The following WDR91 variants were observed in gnomAD, a reference collection of about 807,000 sequenced individuals.
The protein encoded by WDR91 is WD repeat domain 91, also known as WD repeat-containing protein 91.
WDR91 carries 52 observed loss-of-function variants against 88.4 expected under a neutral mutation model. The ratio of observed to expected loss-of-function variants is 0.59; its 90% CI spans 0.47 to 0.74. The LOEUF is 0.74. Ranked by LOEUF, WDR91 falls within the 30% of genes least tolerant of loss-of-function variation. The pLI is 0.00. For synonymous variants in WDR91, 362 were observed against 389.5 expected, an observed-to-expected ratio of 0.93 and a Z score of 0.83; for missense variants, 824 against 954.5, an observed-to-expected ratio of 0.86 and a Z score of 1.80.
At chr7:135,206,734 A>T (rs1476288731) in intron 4 of WDR91, among the ~76,000 whole-genome samples, 2 of 151,340 alleles carry the variant, frequency 1.3e-5, no homozygotes, top group Non-Finnish European at 2.9e-5. Flanking sequence ...TATATAGTTT[A>T]TATATATACA....
intron 2 of WDR91, 100 bp downstream of exon 2, chr7:135,209,476 G>C: frequency 8.2e-7 from 1 of 1,224,842 alleles, no homozygotes; most frequent in Non-Finnish European, 1.1e-6. Context: ...CTTTCCCATA[G>C]TCACATACAG....
At chr7:135,205,289 A>C (rs571563460) in intron 5 of WDR91, among the ~76,000 whole-genome samples, 2 of 152,244 alleles carry the variant, frequency 1.3e-5, no homozygotes, top group Non-Finnish European at 2.9e-5. Context: ...CTTCCAATGC[A>C]CAAAACCTTC....
chr7:135,209,267 G>A (rs548881954), intron 2 of WDR91, among the ~76,000 whole-genome samples: 12 of 152,218 alleles, frequency 7.9e-5, no homozygotes, highest in African/African-American at 2.9e-4. Context: ...CATTCCTCCA[G>A]GTCAGCTATC....
Position 135,187,064 on chromosome 7 carries a change from G to C in WDR91, c.1987C>G (p.Gln663Glu). The change falls in exon 14 of 15, where the codon CAG (glutamine) becomes GAG (glutamate). Residue 663 changes from glutamine (Q) to glutamate (E), a missense_variant. Transcript: ENST00000354475. Reference sequence around the variant, plus strand: ...AGTCGGCCCCTGGGGACTTGAACCTGCTTGTAGCCGCTGTATCCAGACAGC... The same window carrying C: ...AGTCGGCCCCTGGGGACTTGAACCTCCTTGTAGCCGCTGTATCCAGACAGC... Reference protein sequence around the residue: ...FVLSGYSGYKQVQVPRGRLFA... With the variant: ...FVLSGYSGYKEVQVPRGRLFA... 1 of 1,614,252 alleles carries C rather than the reference G, an allele frequency of 6.2e-7. No homozygotes were observed. The highest frequency in any genetic ancestry group is 8.5e-7 in the Non-Finnish European group (1 of 1,180,048).
chr7:135,205,311 C>A (rs1831726078), intron 5 of WDR91, among the ~76,000 whole-genome samples: 1 of 152,230 alleles, frequency 6.6e-6, no homozygotes, highest in African/African-American at 2.4e-5. Context: ...CAAGACTTTA[C>A]CACAGTGGTT....
chr7:135,186,735 G>T (rs1359440788), intron 14 of WDR91, among the ~76,000 whole-genome samples: 2 of 152,236 alleles, frequency 1.3e-5, no homozygotes, highest in Non-Finnish European at 1.5e-5. Flanking sequence ...TCCTGCCGGG[G>T]GGCCAGCCTG....
At chr7:135,190,466 A>C (rs538990299) in intron 11 of WDR91, among the ~76,000 whole-genome samples, 21 of 152,292 alleles carry the variant, frequency 1.4e-4, no homozygotes, top group Non-Finnish European at 2.9e-4. Flanking sequence ...GGCCCAAAAA[A>C]CACCATGATC....
At chr7:135,210,568 G>T (rs1831977731) in intron 1 of WDR91, among the ~76,000 whole-genome samples, 1 of 152,222 alleles carries the variant, frequency 6.6e-6, no homozygotes, top group Admixed American at 6.5e-5. Flanking sequence ...TCACCTTCTT[G>T]TGAGGAGCAA....
intron 4 of WDR91, 44 bp from the exon 5 acceptor site, chr7:135,206,102 C>T (rs199571306): frequency 2.8e-4 from 459 of 1,613,266 alleles, no homozygotes; most frequent in Non-Finnish European, 3.3e-4. Flanking sequence ...CTCACCTAAC[C>T]TTCCCTCTGC....
At chr7:135,210,929 T>A in intron 1 of WDR91, 2 of 703,508 alleles carry the variant, frequency 2.8e-6, no homozygotes, top group South Asian at 3.0e-5. Context: ...TGCCGATGAG[T>A]CCCTGACGAG....
chr7:135,211,195 C>A (rs1398907456), intron 1 of WDR91, among the ~76,000 whole-genome samples, 185 bp downstream of exon 1: 1 of 152,240 alleles, frequency 6.6e-6, no homozygotes, highest in Non-Finnish European at 1.5e-5. Flanking sequence ...CGGCTTCAGG[C>A]AGGTCCTGTC....
At chr7:135,198,494 C>T (rs577394578) in intron 6 of WDR91, 4 of 240,500 alleles carry the variant, frequency 1.7e-5, no homozygotes, top group African/African-American at 4.4e-5. Flanking sequence ...CCGGGGCCTA[C>T]GCTTGGTGTT....
intron 6 of WDR91, 135 bp from the exon 7 acceptor site, chr7:135,198,286 T>C: frequency 1.9e-6 from 2 of 1,039,758 alleles, no homozygotes; most frequent in Admixed American, 2.7e-5. Flanking sequence ...TTGGCTCAGC[T>C]ATGTAGGTGA....
At chr7:135,186,881 G>A (rs1225404268) in intron 14 of WDR91, 91 bp downstream of exon 14, 1 of 1,475,714 alleles carries the variant, frequency 6.8e-7, no homozygotes, top group African/African-American at 1.4e-5. Flanking sequence ...TCGGGGTAGA[G>A]GGCCTCGCTC....
chr7:135,186,314 A>T lies in WDR91; in HGVS notation c.2081T>A (p.Leu694Gln), dbSNP rs186391437. 5.6e-6 allele frequency: 9 copies of T among 1,611,404 alleles called. No homozygotes were observed. The East Asian group carries it at 2.0e-4, about 36-fold the overall frequency. The change falls in exon 15 of 15, where the codon CTG becomes CAG. Residue 694 changes from leucine (L) to glutamine (Q), a missense_variant and splice_region_variant. Coordinates refer to ENST00000354475, the MANE Select transcript of WDR91 (RefSeq NM_014149.4). Reference protein sequence around the residue: ...CSATGGVIYKLGGDEKVLESC... With the variant: ...CSATGGVIYKQGGDEKVLESC... ...CTCCAGAACCTTCTCATCGCCACCC[A>T]GCTGCAAGAGGACAGGAAAGAGGAG...
At chr7:135,195,480 C>G (rs292577) in intron 8 of WDR91, among the ~76,000 whole-genome samples, 103,488 of 152,176 alleles carry the variant, frequency 0.68, 35,908 homozygotes, top group Admixed American at 0.79. Context: ...TATGCCCCAC[C>G]AGGGTTTGTT....
At chr7:135,191,146 A>T (rs1312467122) in intron 11 of WDR91, among the ~76,000 whole-genome samples, 1 of 152,244 alleles carries the variant, frequency 6.6e-6, no homozygotes, top group Non-Finnish European at 1.5e-5. Flanking sequence ...CAGCCAGAGG[A>T]TGGACCAAGT....
At chr7:135,189,170 T>A (rs1327321318) in intron 12 of WDR91, among the ~76,000 whole-genome samples, 174 bp downstream of exon 12, 1 of 152,206 alleles carries the variant, frequency 6.6e-6, no homozygotes, top group Non-Finnish European at 1.5e-5. Flanking sequence ...TGGGCGAGTT[T>A]ATTACGGTGG....
chr7:135,186,323 A>G lies in WDR91; in HGVS notation c.2080-8T>C. On this transcript the variant is annotated splice_region_variant and splice_polypyrimidine_tract_variant and intron_variant, in intron 14 of 14. Coordinates refer to ENST00000354475, the MANE Select transcript of WDR91 (RefSeq NM_014149.4). ...CTTCTCATCGCCACCCAGCTGCAAG[A>G]GGACAGGAAAGAGGAGGAGGTGTCA... 6.2e-7 allele frequency: 1 copy of G among 1,609,878 alleles called. No homozygotes were observed. Among genetic ancestry groups the G allele is most frequent in the Non-Finnish European group, 8.5e-7 (1 of 1,178,512 alleles).
Sources: allele counts gnomAD v4.1 joint callset (sites outside exome capture counted in the v4.1 genomes callset), GRCh38; gene constraint gnomAD v4.1.1; transcripts MANE v1.5; gene names NCBI Gene and HGNC (gene_info 2026-07-23, HGNC 2026-07-21).